Variants in BLOC1S5 observed in about 807,000 individuals in gnomAD.
BLOC1S5 encodes the protein biogenesis of lysosome-related organelles complex 1 subunit 5.
Under a neutral mutation model 24.3 loss-of-function variants are expected in BLOC1S5, and 27 were observed. The observed-to-expected ratio is 1.11, with a 90% CI of 0.82 to 1.53. The LOEUF is 1.53. Ranked by LOEUF, BLOC1S5 falls within the 40% of genes most tolerant of loss-of-function variation. BLOC1S5 has a pLI of 0.00. For missense variants in BLOC1S5, 239 were observed against 229.4 expected, an observed-to-expected ratio of 1.04 and a Z score of -0.27; for synonymous variants, 84 against 74.5, an observed-to-expected ratio of 1.13 and a Z score of -0.66.
intron 2 of BLOC1S5, among the ~76,000 whole-genome samples, 158 bp from the exon 3 acceptor site, chr6:8,041,426 C>T (rs1473898218): frequency 6.8e-6 from 1 of 147,520 alleles, no homozygotes; most frequent in Non-Finnish European, 1.5e-5. Context: ...GAGTCTCCTG[C>T]CTCAGCCTCC....
intron 4 of BLOC1S5, among the ~76,000 whole-genome samples, chr6:8,022,026 A>G (rs977635314): frequency 6.6e-6 from 1 of 152,130 alleles, no homozygotes; most frequent in African/African-American, 2.4e-5. Flanking sequence ...AGATAATTTG[A>G]AATAGAGATA....
At position 8,049,031 on chromosome 6, in the gene BLOC1S5, A is replaced by C. The variant is rs569968823; in HGVS notation, c.196-7763T>G. Among the ~76,000 whole-genome samples, 52 of 129,432 alleles carry C rather than the reference A, an allele frequency of 4.0e-4. 2 individuals are homozygous for C. In the South Asian group the frequency reaches 0.015, roughly 38 times the overall value. The allele number at this position is 129,432 out of a possible 152,430, so 84.9% of individuals were successfully genotyped here. ...CCTCAAAAGAAAGAAAAGAAAGGAA[A>C]GAAAGAAGAGGAGGGGAGGGGAGAG... is the stretch of plus-strand genomic sequence containing the variant. On this transcript the variant is annotated intron_variant, in intron 2 of 4. Transcript: ENST00000397457.
intron 3 of BLOC1S5, among the ~76,000 whole-genome samples, chr6:8,027,739 C>T (rs7740625): frequency 0.04 from 5,910 of 149,112 alleles, 362 homozygotes; most frequent in African/African-American, 0.13. Context: ...GAGGCTGAGC[C>T]AAGACAATCG....
intron 2 of BLOC1S5, among the ~76,000 whole-genome samples, chr6:8,049,037 AAGAGGAGGGGAGGGG>A (rs1764011328): frequency 8.4e-6 from 1 of 118,788 alleles, no homozygotes; most frequent in Non-Finnish European, 1.7e-5. Context: ...GGAAAGAAAG[AAGAGGAGGGGAGGGG>A]AGAGGAAGGG....
intron 2 of BLOC1S5, chr6:8,054,332 A>C: frequency 2.3e-6 from 1 of 426,826 alleles, no homozygotes; most frequent in Non-Finnish European, 4.6e-6. Context: ...CAGCCACTGG[A>C]TATTACACTG....
intron 2 of BLOC1S5, among the ~76,000 whole-genome samples, chr6:8,056,001 C>A (rs1351462751): frequency 6.6e-6 from 1 of 152,162 alleles, no homozygotes; most frequent in Non-Finnish European, 1.5e-5. Flanking sequence ...AGGCCATCAT[C>A]AAAAGAATGG....
At chr6:8,024,513 T>C (rs1295027693) in intron 4 of BLOC1S5, among the ~76,000 whole-genome samples, 1 of 27,188 alleles carries the variant, frequency 3.7e-5, no homozygotes, top group Non-Finnish European at 7.8e-5. Flanking sequence ...AGACTCCATC[T>C]CAAAAAAAAA....
At chr6:8,061,225 C>T (rs999643022) in intron 2 of BLOC1S5, among the ~76,000 whole-genome samples, 2 of 151,294 alleles carry the variant, frequency 1.3e-5, no homozygotes, top group Non-Finnish European at 2.9e-5. Context: ...ATTCTTATTC[C>T]TAATAAGAAT....
At chr6:8,055,370 G>A (rs569284266) in intron 2 of BLOC1S5, among the ~76,000 whole-genome samples, 1 of 152,226 alleles carries the variant, frequency 6.6e-6, no homozygotes, top group Non-Finnish European at 1.5e-5. Flanking sequence ...AGAAGGTGGA[G>A]GTTGTAGTGA....
At chr6:8,059,947 G>C (rs972734367) in intron 2 of BLOC1S5, among the ~76,000 whole-genome samples, 2 of 152,152 alleles carry the variant, frequency 1.3e-5, no homozygotes, top group African/African-American at 4.8e-5. Flanking sequence ...TTATTCACTG[G>C]CATATCATTA....
chr6:8,032,721 G>A (rs1428213345), intron 3 of BLOC1S5, among the ~76,000 whole-genome samples: 2 of 152,150 alleles, frequency 1.3e-5, no homozygotes, highest in Non-Finnish European at 2.9e-5. Flanking sequence ...TGTATATTTA[G>A]AAAACCCCAT....
At chr6:8,053,165 G>A (rs373159300) in intron 2 of BLOC1S5, among the ~76,000 whole-genome samples, 6 of 152,238 alleles carry the variant, frequency 3.9e-5, no homozygotes, top group East Asian at 1.9e-4. Context: ...CTGTGAACAC[G>A]ACTGAGATGA....
intron 3 of BLOC1S5, among the ~76,000 whole-genome samples, chr6:8,040,270 A>G (rs1045227233): frequency 1.3e-5 from 2 of 152,202 alleles, no homozygotes; most frequent in African/African-American, 4.8e-5. Flanking sequence ...ATAAACATTT[A>G]TCTTACTGGG....
chr6:8,019,590 CA>C (rs1326865367), intron 4 of BLOC1S5, among the ~76,000 whole-genome samples: 1 of 116,022 alleles, frequency 8.6e-6, no homozygotes, highest in Non-Finnish European at 1.7e-5. Context: ...TTCTTTACAA[CA>C]ATCAGTAAAG....
At chr6:8,019,820 T>C (rs1403278956) in intron 4 of BLOC1S5, among the ~76,000 whole-genome samples, 2 of 152,170 alleles carry the variant, frequency 1.3e-5, no homozygotes, top group African/African-American at 4.8e-5. Flanking sequence ...TTGACCTACA[T>C]TACATACAAT....
intron 3 of BLOC1S5, among the ~76,000 whole-genome samples, chr6:8,034,334 A>C (rs1022562906): frequency 2.6e-5 from 4 of 152,206 alleles, no homozygotes; most frequent in Non-Finnish European, 5.9e-5. Context: ...TTGCAGGGGC[A>C]TGGATGAAGC....
At chr6:8,027,316 T>G (rs1763140777) in intron 3 of BLOC1S5, 1 of 455,948 alleles carries the variant, frequency 2.2e-6, no homozygotes, top group African/African-American at 2.0e-5. Flanking sequence ...AATTATTCAT[T>G]TGACAAATGT....
At chr6:8,026,560 T>C in intron 3 of BLOC1S5, 135 bp from the exon 4 acceptor site, 4 of 690,932 alleles carry the variant, frequency 5.8e-6, no homozygotes, top group Non-Finnish European at 9.6e-6. Flanking sequence ...TGATATTATT[T>C]TGGTGGTGGT....
intron 4 of BLOC1S5, among the ~76,000 whole-genome samples, chr6:8,016,235 A>G (rs775000528): frequency 6.6e-6 from 1 of 152,126 alleles, no homozygotes; most frequent in Non-Finnish European, 1.5e-5. Flanking sequence ...CTGAGGTGGA[A>G]GAATCGCCTG....
Sources: gnomAD v4.1 joint callset for allele counts (sites outside exome capture counted in the v4.1 genomes callset) on GRCh38, gnomAD v4.1.1 for gene constraint, MANE v1.5 for transcripts, NCBI Gene and HGNC (gene_info 2026-07-23, HGNC 2026-07-21) for gene names.